The following MGAT5 variants were observed in gnomAD, a reference collection of about 807,000 sequenced individuals.
MGAT5 encodes alpha-1,6-mannosylglycoprotein 6-beta-N-acetylglucosaminyltransferase.
MGAT5 carries 30 observed loss-of-function variants against 94.3 expected under a neutral mutation model. That is an observed-to-expected ratio of 0.32 (90% CI 0.24 to 0.43). MGAT5 has a LOEUF of 0.43. MGAT5 is among the 20% of genes least tolerant of loss of function. MGAT5 has a pLI of 1.00. For synonymous variants in MGAT5, 310 were observed against 322.9 expected (o/e 0.96, Z 0.43); for missense variants, 691 against 905.5 (o/e 0.76, Z 3.04).
chr2:134,168,699 A>G (rs1688063915), intron 1 of MGAT5, among the ~76,000 whole-genome samples: 1 of 152,214 alleles, frequency 6.6e-6, no homozygotes, highest in Non-Finnish European at 1.5e-5. Flanking sequence ...TTTCTAGTGC[A>G]TATCAGTTGG....
chr2:134,436,903 T>C (rs1398911798), intron 14 of MGAT5, among the ~76,000 whole-genome samples: 1 of 152,212 alleles, frequency 6.6e-6, no homozygotes, highest in Non-Finnish European at 1.5e-5. Flanking sequence ...CCCAGTCTGC[T>C]CCTTCTGACT....
rs1325544033 is a variant in MGAT5 at position 134,426,066 on chromosome 2, C to T, written c.1795-2299C>T. Among the ~76,000 whole-genome samples, 4 of 152,036 alleles carry T rather than the reference C, an allele frequency of 2.6e-5. No homozygotes were observed. The East Asian group carries it at 5.8e-4, about 22-fold the overall frequency. The stretch of plus-strand genomic sequence containing the variant: ...AAGAACTTTTATGCAGAAAACTGCC[C>T]GCTCTCCCAGCCCCCAGTCCACATT... On this transcript the variant is annotated intron_variant, in intron 13 of 15. Coordinates refer to ENST00000281923, the MANE Select transcript of MGAT5 (RefSeq NM_002410.5).
At chr2:134,311,788 C>T (rs535085194) in intron 2 of MGAT5, among the ~76,000 whole-genome samples, 110 of 152,180 alleles carry the variant, frequency 7.2e-4, no homozygotes, top group Non-Finnish European at 1.3e-3. Context: ...TATGATGCCG[C>T]GTAGTTGATA....
At chr2:134,248,871 G>C (rs533068794) in intron 1 of MGAT5, among the ~76,000 whole-genome samples, 149 of 152,248 alleles carry the variant, frequency 9.8e-4, no homozygotes, top group African/African-American at 3.4e-3. Flanking sequence ...TGGCCACCTG[G>C]AGGAACTGCT....
chr2:134,404,474 C>T (rs1432395947), intron 11 of MGAT5, among the ~76,000 whole-genome samples: 2 of 152,112 alleles, frequency 1.3e-5, no homozygotes, highest in Non-Finnish European at 2.9e-5. Flanking sequence ...TTTGGCTTGC[C>T]CACAGTAAAC....
At chr2:134,272,379 T>TTG (rs199739839) in intron 2 of MGAT5, among the ~76,000 whole-genome samples, 1 of 151,784 alleles carries the variant, frequency 6.6e-6, no homozygotes, top group Non-Finnish European at 1.5e-5. Flanking sequence ...GTTTTTTTTT[T>TTG]CCTTTTTGGG....
Position 134,244,067 on chromosome 2 carries a change from G to A in MGAT5, c.-142-10195G>A, listed in dbSNP as rs184035281. Among the ~76,000 whole-genome samples the A allele has an allele frequency of 2.4e-3, 363 of 152,110 alleles. 1 individual carries two copies. Among genetic ancestry groups the A allele is most frequent in the African/African-American group, 8.2e-3 (339 of 41,474 alleles). On this transcript the variant is annotated intron_variant, in intron 1 of 16. Transcript: ENST00000409645. ...CCAGAAGTCTGATCCTCAGAGAAAA[G>A]GTGCATTTTACACTTATTATAAAAT...
intron 1 of MGAT5, among the ~76,000 whole-genome samples, chr2:134,168,503 C>T (rs115604903): frequency 1.6e-3 from 248 of 152,202 alleles, no homozygotes; most frequent in African/African-American, 5.6e-3. Context: ...TATGTTCTGG[C>T]GTCAAAGACC....
rs1015890985 is a variant in MGAT5 at position 134,449,317 on chromosome 2, C to T, written c.*470C>T. On this transcript the variant is annotated 3_prime_UTR_variant, in exon 16 of 16. Coordinates refer to ENST00000281923, the MANE Select transcript of MGAT5 (RefSeq NM_002410.5). ...GGCTTCTTTTATTTCCACTGTTAATCATCCACCTTCACTATACTGTTGTTC... is the reference window on the plus strand; with the variant it reads ...GGCTTCTTTTATTTCCACTGTTAATTATCCACCTTCACTATACTGTTGTTC... 9.6e-6 allele frequency: 2 copies of T among 208,640 alleles called. No individual in the cohort carries two copies. Among genetic ancestry groups the T allele is most frequent in the Non-Finnish European group, 2.0e-5 (2 of 102,296 alleles). The allele number at this position is 208,640 out of a possible 1,614,324, so 12.9% of individuals were successfully genotyped here. A position where few individuals can be genotyped will look rare whatever the true frequency, so the allele number is the denominator to read the frequency against.
chr2:134,293,722 G>A (rs777526951), intron 2 of MGAT5, among the ~76,000 whole-genome samples: 4 of 152,228 alleles, frequency 2.6e-5, no homozygotes, highest in East Asian at 1.9e-4. Flanking sequence ...TACCTGTCTC[G>A]GCCTCCGAAA....
At chr2:134,432,332 G>C (rs1162342565) in intron 14 of MGAT5, among the ~76,000 whole-genome samples, 1 of 152,188 alleles carries the variant, frequency 6.6e-6, no homozygotes, top group Non-Finnish European at 1.5e-5. Context: ...AAGCATTCTG[G>C]AGAGAGGGAG....
intron 1 of MGAT5, among the ~76,000 whole-genome samples, chr2:134,262,028 G>A (rs1683370272): frequency 1.3e-5 from 2 of 152,196 alleles, no homozygotes. Flanking sequence ...CTGTTGGGCG[G>A]ATGGAACACA....
intron 1 of MGAT5, among the ~76,000 whole-genome samples, chr2:134,183,069 C>T (rs565375550): frequency 1.3e-5 from 2 of 152,256 alleles, no homozygotes; most frequent in South Asian, 2.1e-4. Flanking sequence ...GGATTACAGG[C>T]GTGAGCCACC....
chr2:134,314,591 A>G (rs1161922450), intron 2 of MGAT5, among the ~76,000 whole-genome samples: 1 of 152,230 alleles, frequency 6.6e-6, no homozygotes, highest in African/African-American at 2.4e-5. Context: ...AGTAGGAGAG[A>G]CATGAGCAGG....
At chr2:134,196,820 C>A (rs539357022) in intron 1 of MGAT5, among the ~76,000 whole-genome samples, 3 of 152,162 alleles carry the variant, frequency 2.0e-5, no homozygotes, top group Admixed American at 2.0e-4. Context: ...TCTTCTAGTG[C>A]GGCCCTTTGG....
chr2:134,206,817 A>G (rs1680041799), intron 1 of MGAT5, among the ~76,000 whole-genome samples: 1 of 152,220 alleles, frequency 6.6e-6, no homozygotes, highest in African/African-American at 2.4e-5. Flanking sequence ...AGAAGCTGGA[A>G]GAGGCAAGGA....
At chr2:134,172,625 A>G (rs1009313263) in intron 1 of MGAT5, among the ~76,000 whole-genome samples, 10 of 152,054 alleles carry the variant, frequency 6.6e-5, no homozygotes, top group Non-Finnish European at 1.0e-4. Context: ...TGACCTCGTG[A>G]TTCTCCCGCC....
rs2106361530 is a variant in MGAT5, at chr2:134,422,860, G to C, written c.1735G>C (p.Val579Leu). The change falls in exon 13 of 16, where the codon GTT becomes CTT. Residue 579 changes from valine to leucine, a missense_variant. Physicochemically the swap from Val to Leu is conservative, Grantham distance 32 (BLOSUM62 1). Coordinates refer to ENST00000281923, the MANE Select transcript of MGAT5 (RefSeq NM_002410.5). ...VFIGRPHVWT[V>L]DLNNQEEVED... Reference sequence around the variant, plus strand: ...CATCGGGCGGCCACATGTGTGGACTGTTGACCTCAACAATCAGGAGGAAGT... The same window carrying C: ...CATCGGGCGGCCACATGTGTGGACTCTTGACCTCAACAATCAGGAGGAAGT... 6.2e-7 allele frequency: 1 copy of C among 1,613,944 alleles called. No individual in the cohort carries two copies. The highest frequency in any genetic ancestry group is 1.1e-5 in the South Asian group (1 of 91,082).
At chr2:134,393,086 T>G (rs1682509392) in intron 10 of MGAT5, among the ~76,000 whole-genome samples, 1 of 152,236 alleles carries the variant, frequency 6.6e-6, no homozygotes, top group Non-Finnish European at 1.5e-5. Flanking sequence ...TTTGTTTCCG[T>G]GAATACCCAC....
Sources: allele counts gnomAD v4.1 joint callset (sites outside exome capture counted in the v4.1 genomes callset), GRCh38; gene constraint gnomAD v4.1.1; transcripts MANE v1.5; gene names NCBI Gene and HGNC (gene_info 2026-07-23, HGNC 2026-07-21).